The following AGPS variants were observed in gnomAD, a reference collection of about 807,000 sequenced individuals.
AGPS encodes alkyldihydroxyacetonephosphate synthase, peroxisomal.
In AGPS, 26 loss-of-function variants were observed where a neutral mutation model predicts 90.7. That is an observed-to-expected ratio of 0.29 (90% CI 0.21 to 0.40). The LOEUF is 0.40. AGPS is among the 10% of genes least tolerant of loss of function. AGPS has a pLI of 1.00. For synonymous variants in AGPS, 294 were observed against 285.3 expected (o/e 1.03, Z -0.31); for missense variants, 540 against 816.1 (o/e 0.66, Z 4.12).
intron 2 of AGPS, among the ~76,000 whole-genome samples, chr2:177,421,525 T>G (rs1685940280): frequency 6.6e-6 from 1 of 152,092 alleles, no homozygotes; most frequent in Non-Finnish European, 1.5e-5. Flanking sequence ...TTAATGAAGT[T>G]CTGAAGATGT....
Position 177,436,864 on chromosome 2 carries a change from A to T in AGPS, c.542A>T (p.Asp181Val). The change falls in exon 4 of 20, where the codon GAT (aspartate) becomes GTT (valine). Residue 181 changes from aspartate to valine, a missense_variant. Physicochemically the swap from Asp to Val is radical, Grantham distance 152. Around this residue, in one of 2 missense-constraint regions of AGPS, gnomAD observed 405 missense variants for 692.1 expected, o/e 0.59. Transcript: ENST00000264167. ...TNISYSQEAD[D>V]RVFRAHGHCL... ...ATTTCATATTCACAAGAGGCAGATGATCGAGTATTTAGAGCTCATGGTAAG... is the reference window on the plus strand; with the variant it reads ...ATTTCATATTCACAAGAGGCAGATGTTCGAGTATTTAGAGCTCATGGTAAG... The T allele has an allele frequency of 6.2e-7, 1 of 1,612,924 alleles. No individual in the cohort carries two copies. Among genetic ancestry groups the T allele is most frequent in the Non-Finnish European group, 8.5e-7 (1 of 1,179,144 alleles).
intron 7 of AGPS, among the ~76,000 whole-genome samples, chr2:177,443,325 T>C (rs984336250): frequency 6.6e-6 from 1 of 152,242 alleles, no homozygotes; most frequent in African/African-American, 2.4e-5. Flanking sequence ...TTGTAGCTCT[T>C]AAGTCTCACT....
chr2:177,393,428 A>T, intron 1 of AGPS: 1 of 985,410 alleles, frequency 1.0e-6, no homozygotes, highest in Non-Finnish European at 1.2e-6. Flanking sequence ...CCGAGGAGAT[A>T]TAAATTTGTA....
intron 1 of AGPS, among the ~76,000 whole-genome samples, chr2:177,397,514 G>C (rs1685216698): frequency 6.7e-6 from 1 of 150,194 alleles, no homozygotes; most frequent in African/African-American, 2.5e-5. Flanking sequence ...AAAAAGAGAA[G>C]AAAAAATACC....
chr2:177,467,694 C>T (rs185489217), intron 9 of AGPS, among the ~76,000 whole-genome samples: 7 of 152,124 alleles, frequency 4.6e-5, no homozygotes, highest in African/African-American at 1.4e-4. Context: ...TTGATGTTCT[C>T]TGCTCATTTC....
intron 1 of AGPS, among the ~76,000 whole-genome samples, chr2:177,410,158 CG>C (rs915859055): frequency 6.6e-6 from 1 of 152,148 alleles, no homozygotes; most frequent in African/African-American, 2.4e-5. Context: ...CTTGGTTTCC[CG>C]GAGGGGATTA....
intron 11 of AGPS, among the ~76,000 whole-genome samples, chr2:177,491,734 C>T (rs1429991409): frequency 6.9e-6 from 1 of 145,836 alleles, no homozygotes; most frequent in Non-Finnish European, 1.5e-5. Flanking sequence ...TAGAAATTTA[C>T]TACACTAAAT....
At chr2:177,393,566 T>C in intron 1 of AGPS, 1 of 985,300 alleles carries the variant, frequency 1.0e-6, no homozygotes, top group Non-Finnish European at 1.2e-6. Context: ...GATCAAGATG[T>C]ATTGACTTTG....
At chr2:177,437,587 G>A (rs539480668) in intron 5 of AGPS, among the ~76,000 whole-genome samples, 1 of 152,218 alleles carries the variant, frequency 6.6e-6, no homozygotes, top group South Asian at 2.1e-4. Flanking sequence ...TGCTCTTAGT[G>A]AGTAGTAGGT....
At chr2:177,491,766 C>A in intron 11 of AGPS, among the ~76,000 whole-genome samples, 1 of 113,466 alleles carries the variant, frequency 8.8e-6, no homozygotes, top group Non-Finnish European at 1.8e-5. Flanking sequence ...TCCTTCCCCC[C>A]CCCCCCCTTT....
At chr2:177,508,410 C>T (rs1688771785) in intron 16 of AGPS, among the ~76,000 whole-genome samples, 2 of 151,956 alleles carry the variant, frequency 1.3e-5, no homozygotes, top group Non-Finnish European at 2.9e-5. Context: ...GTTAACTGTC[C>T]TTTATAATAT....
At chr2:177,504,804 A>G (rs537807111) in intron 14 of AGPS, among the ~76,000 whole-genome samples, 1 of 152,258 alleles carries the variant, frequency 6.6e-6, no homozygotes, top group African/African-American at 2.4e-5. Context: ...TACTAAAGGT[A>G]GTGGAAAAAC....
chr2:177,468,354 G>T lies in AGPS; in HGVS notation c.997-62G>T, dbSNP rs967230325. 1.6e-4 allele frequency: 156 copies of T among 981,202 alleles called. No individual in the cohort carries two copies. The highest frequency in any genetic ancestry group is 2.9e-5 in the Non-Finnish European group (18 of 611,158). The allele number at this position is 981,202 out of a possible 1,614,324, so 60.8% of individuals were successfully genotyped here. On this transcript the variant is annotated intron_variant, in intron 9 of 19. Coordinates refer to ENST00000264167, the MANE Select transcript of AGPS (RefSeq NM_003659.4). ...TTTACATAAATATATATAAATGTCTGTACATAGACACACATTCACTAACAG... is the reference window on the plus strand; with the variant it reads ...TTTACATAAATATATATAAATGTCTTTACATAGACACACATTCACTAACAG...
chr2:177,437,173 T>C lies in AGPS; in HGVS notation c.637+119T>C. 17 of 963,352 alleles carry C rather than the reference T, an allele frequency of 1.8e-5. No individual in the cohort carries two copies. In the South Asian group the frequency reaches 2.2e-4, roughly 12 times the overall value. 59.7% of individuals were successfully genotyped at this position (963,352 alleles called of 1,614,324 possible). On this transcript the variant is annotated intron_variant, in intron 5 of 19. Transcript: ENST00000264167. ...TAAAAAATATAAATTGCTGTATTTT[T>C]AAGAGAGTTTACATAACAGTCTTGA...
intron 10 of AGPS, among the ~76,000 whole-genome samples, chr2:177,471,437 C>T (rs1167401025): frequency 6.6e-6 from 1 of 151,944 alleles, no homozygotes; most frequent in South Asian, 2.1e-4. Flanking sequence ...GTAGCTTTCT[C>T]CTATTTTAGA....
chr2:177,492,525 C>T (rs1688295682), intron 11 of AGPS, among the ~76,000 whole-genome samples: 9 of 152,126 alleles, frequency 5.9e-5, no homozygotes, highest in Admixed American at 5.9e-4. Flanking sequence ...TCAGGTAGTA[C>T]ATTTCTTTAA....
intron 5 of AGPS, among the ~76,000 whole-genome samples, chr2:177,437,315 CAT>C (rs993649986): frequency 5.3e-5 from 8 of 151,982 alleles, no homozygotes; most frequent in African/African-American, 1.4e-4. Context: ...AGTGGAAAAA[CAT>C]ATTTTTGGAT....
chr2:177,403,199 G>A (rs954260999), intron 1 of AGPS, among the ~76,000 whole-genome samples: 1 of 152,204 alleles, frequency 6.6e-6, no homozygotes, highest in African/African-American at 2.4e-5. Flanking sequence ...AAGGAAGACT[G>A]ATGTGTCTTC....
At chr2:177,445,996 A>C (rs1459220482) in intron 8 of AGPS, among the ~76,000 whole-genome samples, 1 of 152,140 alleles carries the variant, frequency 6.6e-6, no homozygotes, top group Non-Finnish European at 1.5e-5. Flanking sequence ...ATCACATAGA[A>C]CCTGGCATTT....
Sources: gnomAD v4.1 joint callset for allele counts (sites outside exome capture counted in the v4.1 genomes callset) on GRCh38, gnomAD v4.1.1 for gene constraint, gnomAD v4.1.1 regional missense constraint, MANE v1.5 for transcripts, NCBI Gene and HGNC (gene_info 2026-07-23, HGNC 2026-07-21) for gene names.